The following EPHA6 variants were observed in gnomAD, a reference collection of about 807,000 sequenced individuals.
The protein encoded by EPHA6 is EPH receptor A6, also known as ephrin type-A receptor 6.
In EPHA6, 50 loss-of-function variants were observed where a neutral mutation model predicts 112.0. The observed-to-expected ratio is 0.45, with a 90% confidence interval of 0.36 to 0.56. The LOEUF is 0.56. Among genes scored for constraint, EPHA6 ranks in the 20% least tolerant of loss-of-function variants. The pLI is 0.00. For missense variants in EPHA6, 1,280 were observed against 1,417.4 expected, an observed-to-expected ratio of 0.90 and a Z score of 1.56; for synonymous variants, 529 against 490.7, an observed-to-expected ratio of 1.08 and a Z score of -1.03.
At chr3:97,579,738 A>C (rs2093420434) in intron 11 of EPHA6, among the ~76,000 whole-genome samples, 1 of 152,236 alleles carries the variant, frequency 6.6e-6, no homozygotes, top group South Asian at 2.1e-4. Flanking sequence ...ATATAAACAA[A>C]AGAGCATCAC....
intron 3 of EPHA6, among the ~76,000 whole-genome samples, chr3:97,003,099 G>A (rs949708793): frequency 1.3e-5 from 2 of 151,644 alleles, no homozygotes; most frequent in African/African-American, 4.8e-5. Flanking sequence ...GGTGAGTATT[G>A]CAATTTCTTT....
chr3:97,595,790 T>G (rs1218342975), intron 12 of EPHA6, among the ~76,000 whole-genome samples: 2 of 152,080 alleles, frequency 1.3e-5, no homozygotes, highest in Non-Finnish European at 2.9e-5. Flanking sequence ...ACTCTAAAAT[T>G]TTATTTTTTA....
intron 10 of EPHA6, among the ~76,000 whole-genome samples, chr3:97,494,913 C>T (rs942596705): frequency 6.6e-6 from 1 of 152,208 alleles, no homozygotes; most frequent in South Asian, 2.1e-4. Flanking sequence ...GACATGATGT[C>T]TAGATACGTC....
At position 97,378,117 on chromosome 3, in the gene EPHA6, G is replaced by T. The variant is rs150837573; in HGVS notation, c.1607-27033G>T. Among the ~76,000 whole-genome samples the T allele has an allele frequency of 2.7e-3, 414 of 152,230 alleles. 1 individual carries two copies. Among genetic ancestry groups the T allele is most frequent in the African/African-American group, 9.4e-3 (390 of 41,556 alleles). On this transcript the variant is annotated intron_variant, in intron 5 of 17. Coordinates refer to ENST00000389672, the MANE Select transcript of EPHA6 (RefSeq NM_001080448.3). ...AGGAAAAAATGGTTTTATGGGCAGG[G>T]CCCAGGGTCCCCATTCTGTGTGCTG...
chr3:97,721,617 C>G (rs2034530410), intron 15 of EPHA6, among the ~76,000 whole-genome samples: 1 of 152,138 alleles, frequency 6.6e-6, no homozygotes. Context: ...GTGGCTGGGC[C>G]CTACAGAGCA....
chr3:97,444,829 A>G (rs796617643), intron 6 of EPHA6, among the ~76,000 whole-genome samples: 5 of 152,230 alleles, frequency 3.3e-5, no homozygotes, highest in African/African-American at 1.2e-4. Flanking sequence ...CATTTTAGTT[A>G]CCATGAAAAG....
chr3:97,290,932 G>A (rs2080658700), intron 5 of EPHA6, among the ~76,000 whole-genome samples: 1 of 151,756 alleles, frequency 6.6e-6, no homozygotes, highest in Non-Finnish European at 1.5e-5. Context: ...ACCATTTAGG[G>A]TTTAATGTAT....
chr3:97,719,836 T>C (rs2034446732), intron 14 of EPHA6, among the ~76,000 whole-genome samples: 1 of 152,200 alleles, frequency 6.6e-6, no homozygotes. Context: ...TTCCGTTCTG[T>C]ATTTAAGCAC....
intron 6 of EPHA6, among the ~76,000 whole-genome samples, chr3:97,428,129 G>A (rs1456158754): frequency 6.6e-6 from 1 of 152,028 alleles, no homozygotes; most frequent in South Asian, 2.1e-4. Context: ...GCCCCAAAAT[G>A]GTAAGCTTTA....
At chr3:96,825,813 A>G (rs1049771010) in intron 1 of EPHA6, among the ~76,000 whole-genome samples, 2 of 151,844 alleles carry the variant, frequency 1.3e-5, no homozygotes, top group African/African-American at 4.8e-5. Context: ...TATTATAATT[A>G]TACTCTATTT....
intron 3 of EPHA6, among the ~76,000 whole-genome samples, chr3:97,222,618 T>A (rs1039166334): frequency 6.6e-6 from 1 of 152,208 alleles, no homozygotes; most frequent in South Asian, 2.1e-4. Context: ...TCTGTTTTCA[T>A]CCCTAACCTA....
intron 3 of EPHA6, among the ~76,000 whole-genome samples, chr3:97,176,606 C>T (rs2076841678): frequency 6.6e-6 from 1 of 151,720 alleles, no homozygotes; most frequent in African/African-American, 2.4e-5. Flanking sequence ...TGTATTTCTT[C>T]CTGGTTCGAT....
intron 2 of EPHA6, among the ~76,000 whole-genome samples, chr3:96,964,053 A>G (rs967734959): frequency 2.0e-5 from 3 of 152,150 alleles, no homozygotes; most frequent in African/African-American, 7.2e-5. Context: ...AGGTTTATAT[A>G]TTATGGGTAC....
At chr3:97,204,078 T>TTTAAA (rs2077650606) in intron 3 of EPHA6, among the ~76,000 whole-genome samples, 1 of 152,082 alleles carries the variant, frequency 6.6e-6, no homozygotes, top group African/African-American at 2.4e-5. Flanking sequence ...TTTTACTAAG[T>TTTAAA]GACAGTGTAT....
In EPHA6 at chr3:97,160,379, C is replaced by T. The variant is rs956287214; in HGVS notation, c.1115-65885C>T. Among the ~76,000 whole-genome samples the T allele has an allele frequency of 4.1e-4, 63 of 152,080 alleles. 1 individual carries two copies. Among genetic ancestry groups the T allele is most frequent in the Admixed American group, 1.8e-3 (28 of 15,262 alleles). The stretch of plus-strand genomic sequence containing the variant: ...ACAATCTCCGCCTCCCGGGTTTAAG[C>T]GATTCTCCTGCCTCAGCCTCCCGAG... On this transcript the variant is annotated intron_variant, in intron 3 of 17. Transcript: ENST00000389672.
At chr3:96,938,822 C>T (rs2040760091) in intron 2 of EPHA6, among the ~76,000 whole-genome samples, 2 of 152,028 alleles carry the variant, frequency 1.3e-5, no homozygotes, top group Non-Finnish European at 1.5e-5. Context: ...GCATGAAGGG[C>T]TGTTGAATTT....
chr3:96,820,309 A>G (rs2033151499), intron 1 of EPHA6, among the ~76,000 whole-genome samples: 1 of 152,092 alleles, frequency 6.6e-6, no homozygotes. Context: ...GTTGAGTAAA[A>G]TAAACCAATT....
chr3:97,240,101 GA>G (rs1003624473), intron 4 of EPHA6, among the ~76,000 whole-genome samples: 4 of 151,536 alleles, frequency 2.6e-5, no homozygotes, highest in Non-Finnish European at 5.9e-5. Context: ...TTTCCAAATA[GA>G]AAAAATTTAA....
At chr3:97,725,955 G>A (rs1226446507) in intron 15 of EPHA6, among the ~76,000 whole-genome samples, 3 of 151,938 alleles carry the variant, frequency 2.0e-5, no homozygotes, top group Admixed American at 2.0e-4. Context: ...GGTATACTGA[G>A]GTTCAAAATA....
Sources: allele counts gnomAD v4.1 joint callset (sites outside exome capture counted in the v4.1 genomes callset), GRCh38; gene constraint gnomAD v4.1.1; transcripts MANE v1.5; gene names NCBI Gene and HGNC (gene_info 2026-07-23, HGNC 2026-07-21).